ARMC8: variants seen among roughly 807,000 people sequenced by gnomAD.
ARMC8 encodes armadillo repeat containing 8.
Under a neutral mutation model 99.3 loss-of-function variants are expected in ARMC8, and 20 were observed. That is an observed-to-expected ratio of 0.20 (90% confidence interval 0.14 to 0.29). ARMC8 has a LOEUF of 0.29. Among genes scored for constraint, ARMC8 ranks in the 10% least tolerant of loss-of-function variants. The pLI, the probability that ARMC8 is intolerant of heterozygous loss-of-function variation, is 1.00. For missense variants in ARMC8, 569 were observed against 809.5 expected (o/e 0.70, Z 3.60); for synonymous variants, 263 against 278.3 (o/e 0.95, Z 0.55).
chr3:138,194,463 G>A (rs376786437), intron 1 of ARMC8, among the ~76,000 whole-genome samples: 18 of 149,716 alleles, frequency 1.2e-4, no homozygotes, highest in South Asian at 1.1e-3. Flanking sequence ...TCAGCCTCCC[G>A]AGTAGCTGGG....
At chr3:138,253,005 T>C (rs534332666) in intron 12 of ARMC8, among the ~76,000 whole-genome samples, 1 of 152,104 alleles carries the variant, frequency 6.6e-6, no homozygotes, top group African/African-American at 2.4e-5. Flanking sequence ...CTAGAAAAAT[T>C]AGATTAAAAC....
chr3:138,286,765 C>T (rs891640944), intron 19 of ARMC8, among the ~76,000 whole-genome samples: 3 of 152,168 alleles, frequency 2.0e-5, no homozygotes, highest in African/African-American at 7.2e-5. Flanking sequence ...TCATCCACCC[C>T]CATAGCTTAT....
chr3:138,288,684 G>A (rs572000133), intron 19 of ARMC8, among the ~76,000 whole-genome samples: 14 of 146,316 alleles, frequency 9.6e-5, no homozygotes, highest in Non-Finnish European at 1.3e-4. Context: ...TGTCACCCAG[G>A]CTGAGTGCAA....
At chr3:138,278,310 C>G (rs1371992056) in intron 18 of ARMC8, among the ~76,000 whole-genome samples, 1 of 151,970 alleles carries the variant, frequency 6.6e-6, no homozygotes, top group Non-Finnish European at 1.5e-5. Flanking sequence ...AGTTCAGGAC[C>G]AGCCTAGCAA....
chr3:138,262,809 C>T (rs2047886753), intron 12 of ARMC8, among the ~76,000 whole-genome samples: 1 of 152,168 alleles, frequency 6.6e-6, no homozygotes, highest in African/African-American at 2.4e-5. Flanking sequence ...TGGGAACTAC[C>T]TGGTGAGTAC....
At position 138,191,141 on chromosome 3, in the gene ARMC8, C is replaced by G. The variant is rs879825813; in HGVS notation, c.45+3542C>G. On this transcript the variant is annotated intron_variant, in intron 1 of 21. Coordinates refer to ENST00000469044, the MANE Select transcript of ARMC8 (RefSeq NM_001363941.2). Reference sequence around the variant, plus strand: ...TGTCGTATTAGAGAGTAAATTAATTCAGAAGTAACACTTTGTCTTGCAAAT... The same window carrying G: ...TGTCGTATTAGAGAGTAAATTAATTGAGAAGTAACACTTTGTCTTGCAAAT... Among the ~76,000 whole-genome samples, 12 of 152,268 alleles carry G rather than the reference C, an allele frequency of 7.9e-5. No homozygotes were observed. In the East Asian group the frequency reaches 2.1e-3, roughly 27 times the overall value.
At chr3:138,194,365 G>A (rs374889110) in intron 1 of ARMC8, among the ~76,000 whole-genome samples, 3 of 83,926 alleles carry the variant, frequency 3.6e-5, no homozygotes, top group African/African-American at 4.9e-5. Context: ...TTTTTGAGAC[G>A]GAGTCTCTGT....
intron 2 of ARMC8, among the ~76,000 whole-genome samples, chr3:138,212,663 G>A (rs2044766209): frequency 6.6e-6 from 1 of 152,068 alleles, no homozygotes; most frequent in African/African-American, 2.4e-5. Context: ...ATGGTATTTA[G>A]GAAAAGAGAG....
intron 17 of ARMC8, among the ~76,000 whole-genome samples, chr3:138,273,695 C>T (rs1210220375): frequency 6.6e-6 from 1 of 152,116 alleles, no homozygotes; most frequent in Non-Finnish European, 1.5e-5. Flanking sequence ...ATGAGTGGTT[C>T]CCTTCTCTGT....
At chr3:138,226,789 C>T (rs551100130) in intron 5 of ARMC8, among the ~76,000 whole-genome samples, 6 of 152,274 alleles carry the variant, frequency 3.9e-5, no homozygotes, top group African/African-American at 9.6e-5. Context: ...ACTAATGGAT[C>T]CTGGTGCACC....
chr3:138,245,334 C>T, intron 12 of ARMC8, 151 bp downstream of exon 12: 1 of 1,508,318 alleles, frequency 6.6e-7, no homozygotes, highest in Admixed American at 2.1e-5. Context: ...ATGAATGGGA[C>T]CCGGATTTGG....
intron 2 of ARMC8, among the ~76,000 whole-genome samples, chr3:138,220,582 A>G (rs2045337361): frequency 6.6e-6 from 1 of 152,240 alleles, no homozygotes; most frequent in Non-Finnish European, 1.5e-5. Context: ...AATAATCAAA[A>G]AAGGCAATTG....
intron 12 of ARMC8, among the ~76,000 whole-genome samples, chr3:138,251,851 CA>C (rs919869264): frequency 3.3e-5 from 5 of 151,932 alleles, no homozygotes; most frequent in African/African-American, 1.2e-4. Context: ...GTATGATGGA[CA>C]AGTTGGTTTA....
chr3:138,283,905 A>G (rs1257844362), intron 18 of ARMC8, among the ~76,000 whole-genome samples: 1 of 152,222 alleles, frequency 6.6e-6, no homozygotes, highest in Admixed American at 6.5e-5. Flanking sequence ...TCCTAAGTGC[A>G]CATGGCTGGT....
chr3:138,236,819 T>C (rs1469010570), intron 7 of ARMC8, among the ~76,000 whole-genome samples: 1 of 152,168 alleles, frequency 6.6e-6, no homozygotes, highest in Non-Finnish European at 1.5e-5. Flanking sequence ...CTTGGTATTA[T>C]CCCAAACCAG....
In ARMC8 at chr3:138,208,099, T is replaced by TTG. The variant is rs1553751904; in HGVS notation, c.46-1717_46-1716insGT. The stretch of plus-strand genomic sequence containing the variant: ...AAGACGGCATCTCTGTTTTTTTTTT[T>TTG]TTGTTGTTGTTGTTGTTTTAAAGGA... On this transcript the variant is annotated intron_variant, in intron 1 of 21. Coordinates refer to ENST00000469044, the MANE Select transcript of ARMC8 (RefSeq NM_001363941.2). 4.9e-3 allele frequency among the ~76,000 whole-genome samples: 733 copies of TTG among 151,030 alleles called. 11 individuals are homozygous for TTG. Among genetic ancestry groups the TTG allele is most frequent in the African/African-American group, 0.016 (644 of 41,070 alleles).
Position 138,187,658 on chromosome 3 carries a change from C to A in ARMC8, c.45+59C>A. The A allele has an allele frequency of 3.3e-6, 5 of 1,517,626 alleles. No homozygotes were observed. In the South Asian group the frequency reaches 4.8e-5, roughly 15 times the overall value. 94.0% of individuals were successfully genotyped at this position (1,517,626 alleles called of 1,614,324 possible). ...CCAGGAAGCCTCATCCCGGTCTCCA[C>A]CATTCCCCCAAGCGTGGTGTGCCTC... On this transcript the variant is annotated intron_variant, in intron 1 of 21. Coordinates refer to ENST00000469044, the MANE Select transcript of ARMC8 (RefSeq NM_001363941.2).
intron 12 of ARMC8, among the ~76,000 whole-genome samples, chr3:138,258,062 GC>G: frequency 6.6e-6 from 1 of 152,124 alleles, no homozygotes; most frequent in East Asian, 1.9e-4. Flanking sequence ...TTTCACAAAA[GC>G]CTATTTGGAA....
At chr3:138,214,149 T>C (rs2108044421) in intron 2 of ARMC8, among the ~76,000 whole-genome samples, 1 of 150,568 alleles carries the variant, frequency 6.6e-6, no homozygotes, top group Non-Finnish European at 1.5e-5. Context: ...TGTTTTTGTT[T>C]TGTTTTGTTT....
Sources: gnomAD v4.1 joint callset for allele counts (sites outside exome capture counted in the v4.1 genomes callset) on GRCh38, gnomAD v4.1.1 for gene constraint, MANE v1.5 for transcripts, NCBI Gene and HGNC (gene_info 2026-07-23, HGNC 2026-07-21) for gene names.